Variants in PPP4R2 observed in about 807,000 individuals in gnomAD.
PPP4R2 encodes the protein protein phosphatase 4 regulatory subunit 2, also known as serine/threonine-protein phosphatase 4 regulatory subunit 2.
PPP4R2 carries 13 observed loss-of-function variants against 47.2 expected under a neutral mutation model. The observed-to-expected ratio is 0.28, with a 90% CI of 0.18 to 0.44. The LOEUF is 0.44. PPP4R2 is among the 20% of genes least tolerant of loss of function. PPP4R2 has a pLI of 1.00. For synonymous variants in PPP4R2, 151 were observed against 163.3 expected (o/e 0.92, Z 0.57); for missense variants, 421 against 491.2 (o/e 0.86, Z 1.35).
Position 72,997,084 on chromosome 3 carries a change from G to A in PPP4R2, c.34+13G>A. 1 of 1,383,520 alleles carries A rather than the reference G, an allele frequency of 7.2e-7. No individual in the cohort carries two copies. Among genetic ancestry groups the A allele is most frequent in the Non-Finnish European group, 9.5e-7 (1 of 1,051,696 alleles). 85.7% of individuals were successfully genotyped at this position (1,383,520 alleles called of 1,614,324 possible). ...GAGGCGCTGAAAGGTGGGGGTAGCT[G>A]CCCCCTCTCCATTCCCCCTCACCTT... On this transcript the variant is annotated intron_variant, in intron 1 of 8. Transcript: ENST00000356692.
chr3:73,066,258 AT>A lies in PPP4R2; in HGVS notation c.*537del, dbSNP rs1702994678. 1 of 147,198 alleles carries A rather than the reference AT, an allele frequency of 6.8e-6. No homozygotes were observed. The highest frequency in any genetic ancestry group is 2.5e-5 in the African/African-American group (1 of 40,580). The allele number at this position is 147,198 out of a possible 1,614,324, so 9.1% of individuals were successfully genotyped here. A position where few individuals can be genotyped will look rare whatever the true frequency, so the allele number is the denominator to read the frequency against. Reference sequence around the variant, plus strand: ...TACATACATATATATATATATATATATATAATTCTAAGGGGGGAAATGTTAT... The same window carrying A: ...TACATACATATATATATATATATATAATAATTCTAAGGGGGGAAATGTTAT... On this transcript the variant is annotated 3_prime_UTR_variant, in exon 9 of 9. Coordinates refer to ENST00000356692, the MANE Select transcript of PPP4R2 (RefSeq NM_174907.4).
chr3:73,038,741 G>A (rs577737476), intron 2 of PPP4R2, among the ~76,000 whole-genome samples: 1 of 152,262 alleles, frequency 6.6e-6, no homozygotes, highest in East Asian at 1.9e-4. Context: ...TTAATTGGTA[G>A]GGAGAGGTGG....
chr3:73,046,664 C>G (rs1290547682), intron 2 of PPP4R2, among the ~76,000 whole-genome samples: 2 of 151,930 alleles, frequency 1.3e-5, no homozygotes, highest in African/African-American at 4.8e-5. Flanking sequence ...TGCCTTTTGT[C>G]TCTTAAGTGA....
At chr3:73,012,126 G>A (rs1701737707) in intron 2 of PPP4R2, among the ~76,000 whole-genome samples, 1 of 152,162 alleles carries the variant, frequency 6.6e-6, no homozygotes, top group South Asian at 2.1e-4. Flanking sequence ...AGTCCCTGAT[G>A]TAAAGTGGTA....
At chr3:73,040,499 AT>A (rs11342756) in intron 2 of PPP4R2, among the ~76,000 whole-genome samples, 59,515 of 117,542 alleles carry the variant, frequency 0.51, 12,891 homozygotes, top group African/African-American at 0.63. Context: ...ATGTGACCTA[AT>A]TTTTTTTTTT....
intron 2 of PPP4R2, among the ~76,000 whole-genome samples, chr3:73,027,563 T>C (rs1702090151): frequency 6.6e-6 from 1 of 152,144 alleles, no homozygotes; most frequent in Non-Finnish European, 1.5e-5. Flanking sequence ...CTTCAGGATA[T>C]TCATTTATTC....
At chr3:72,997,391 T>A in intron 1 of PPP4R2, 1 of 258,790 alleles carries the variant, frequency 3.9e-6, no homozygotes. Flanking sequence ...CCAGATATCC[T>A]CTTTTCTCCA....
At chr3:73,062,448 ACCC>A in intron 5 of PPP4R2, 1 of 1,612,116 alleles carries the variant, frequency 6.2e-7, no homozygotes, top group Non-Finnish European at 8.5e-7. Flanking sequence ...CCACCCTGTG[ACCC>A]CAAGTTTAGT....
intron 2 of PPP4R2, among the ~76,000 whole-genome samples, chr3:73,000,313 G>A (rs954090101): frequency 2.0e-5 from 3 of 152,164 alleles, no homozygotes; most frequent in African/African-American, 7.2e-5. Flanking sequence ...ACTGCAGCCT[G>A]AGTGACAGAG....
rs1703010502 is a variant in PPP4R2, at chr3:73,067,046, A to G, written c.*1324A>G. On this transcript the variant is annotated 3_prime_UTR_variant, in exon 9 of 9. Transcript: ENST00000356692. ...GTACCTTTTGATATTTAAAGTTTTT[A>G]AATTTCTGTAAAGTAGATTTTGTAG... is the stretch of plus-strand genomic sequence containing the variant. 1 of 152,068 alleles carries G rather than the reference A, an allele frequency of 6.6e-6. No homozygotes were observed. Among genetic ancestry groups the G allele is most frequent in the Non-Finnish European group, 1.5e-5 (1 of 67,962 alleles). The allele number at this position is 152,068 out of a possible 1,614,324, so 9.4% of individuals were successfully genotyped here.
intron 2 of PPP4R2, among the ~76,000 whole-genome samples, chr3:73,004,579 A>G (rs1181738354): frequency 2.0e-5 from 3 of 152,058 alleles, no homozygotes; most frequent in African/African-American, 7.2e-5. Flanking sequence ...CTGGGACTAC[A>G]GGTATATGCC....
chr3:73,004,969 G>GTGTGTGTGTGTGTGTGTT (rs1701572931), intron 2 of PPP4R2, among the ~76,000 whole-genome samples: 2 of 150,168 alleles, frequency 1.3e-5, no homozygotes, highest in Non-Finnish European at 3.0e-5. Context: ...GTGTGTGTGT[G>GTGTGTGTGTGTGTGTGTT]TGTGTGTGTG....
At chr3:73,003,073 T>C (rs1302401535) in intron 2 of PPP4R2, among the ~76,000 whole-genome samples, 2 of 152,170 alleles carry the variant, frequency 1.3e-5, no homozygotes. Context: ...TCTAAAATAA[T>C]AATGCGAATA....
At chr3:73,062,825 G>A (rs1437212302) in intron 5 of PPP4R2, 1 of 1,613,740 alleles carries the variant, frequency 6.2e-7, no homozygotes, top group East Asian at 2.2e-5. Context: ...CAAGACCATG[G>A]GTTGGAGAAT....
chr3:73,014,270 G>A (rs545752314), intron 2 of PPP4R2, among the ~76,000 whole-genome samples: 1 of 129,444 alleles, frequency 7.7e-6, no homozygotes, highest in Non-Finnish European at 1.8e-5. Flanking sequence ...GCATTATTCA[G>A]ATTTTAAAAT....
intron 3 of PPP4R2, among the ~76,000 whole-genome samples, chr3:73,054,048 C>T (rs1264875041): frequency 2.0e-5 from 3 of 151,974 alleles, no homozygotes; most frequent in Admixed American, 6.6e-5. Flanking sequence ...ACCTGAGTAG[C>T]TGGGATTACA....
intron 3 of PPP4R2, among the ~76,000 whole-genome samples, chr3:73,048,728 G>C (rs1702542596): frequency 6.6e-6 from 1 of 152,110 alleles, no homozygotes; most frequent in East Asian, 1.9e-4. Flanking sequence ...GTATTTGAAG[G>C]GTTTCAGTTG....
rs148662984 is a variant in PPP4R2, at chr3:73,066,239, C to CATATATATATATATAT, written c.*525_*540dup. 2.3e-3 allele frequency: 307 copies of CATATATATATATATAT among 134,088 alleles called. No homozygotes were observed. Among genetic ancestry groups the CATATATATATATATAT allele is most frequent in the Middle Eastern group, 4.0e-3 (1 of 250 alleles). The allele number at this position is 134,088 out of a possible 1,614,324, so 8.3% of individuals were successfully genotyped here. ...TGGAACTTTAAGTCATATATACATACATATATATATATATATATATATAAT... is the reference window on the plus strand; with the variant it reads ...TGGAACTTTAAGTCATATATACATACATATATATATATATATATATATATATATATATATATATAAT... On this transcript the variant is annotated 3_prime_UTR_variant, in exon 9 of 9. Transcript: ENST00000356692.
At chr3:73,063,836 T>C in intron 6 of PPP4R2, 89 bp downstream of exon 6, 1 of 1,147,926 alleles carries the variant, frequency 8.7e-7, no homozygotes. Flanking sequence ...AATTGGGCAT[T>C]TTATGGACAC....
Sources: gnomAD v4.1 joint callset for allele counts (sites outside exome capture counted in the v4.1 genomes callset) on GRCh38, gnomAD v4.1.1 for gene constraint, MANE v1.5 for transcripts, NCBI Gene and HGNC (gene_info 2026-07-23, HGNC 2026-07-21) for gene names.